Variants in BNC2 observed in about 807,000 individuals in gnomAD.
BNC2 encodes the protein basonuclin zinc finger protein 2.
BNC2 carries 20 observed loss-of-function variants against 76.3 expected under a neutral mutation model. That is an observed-to-expected ratio of 0.26 (90% confidence interval 0.18 to 0.38). The LOEUF is 0.38. Among genes scored for constraint, BNC2 ranks in the 10% least tolerant of loss-of-function variants. The pLI is 1.00. For synonymous variants in BNC2, 582 were observed against 514.8 expected (o/e 1.13, Z -1.77); for missense variants, 1,382 against 1,399.8 (o/e 0.99, Z 0.20).
Position 16,435,557 on chromosome 9 carries a change from G to A in BNC2, c.2637C>T (p.Asp879=), listed in dbSNP as rs760110831. 5 of 1,613,710 alleles carry A rather than the reference G, an allele frequency of 3.1e-6. No homozygotes were observed. The highest frequency in any genetic ancestry group is 3.3e-5 in the Admixed American group (2 of 59,992). ...GCAGCCAATGGAGATTTACTGACCT[G>A]TCTCGGCTTCGGCGAGAGGGGAATG... ...NAAFPSRRSR[D]RHSANINLHR... Residue 879 remains aspartate, a splice_region_variant and synonymous_variant, in exon 6 of 7, where the codon GAC becomes GAT. Transcript: ENST00000380672.
intron 3 of BNC2, among the ~76,000 whole-genome samples, chr9:16,682,591 G>C (rs1308075552): frequency 6.6e-6 from 1 of 152,046 alleles, no homozygotes. Flanking sequence ...TAACTTTTAT[G>C]GAAATTTACA....
chr9:16,495,550 A>G (rs1294010560), intron 5 of BNC2, among the ~76,000 whole-genome samples: 1 of 152,244 alleles, frequency 6.6e-6, no homozygotes, highest in East Asian at 1.9e-4. Flanking sequence ...GGTGCTCAAC[A>G]TATGCACTGC....
chr9:16,434,864 T>C, intron 6 of BNC2: 13 of 459,014 alleles, frequency 2.8e-5, no homozygotes, highest in Non-Finnish European at 4.0e-5. Context: ...AGTTTAGAGA[T>C]GTGCTCAAAG....
chr9:16,446,726 T>C (rs572304455), intron 5 of BNC2, among the ~76,000 whole-genome samples: 49 of 152,270 alleles, frequency 3.2e-4, no homozygotes, highest in Admixed American at 2.9e-3. Flanking sequence ...CATAGAGTAC[T>C]ATGCCTTTTT....
intron 5 of BNC2, among the ~76,000 whole-genome samples, chr9:16,459,636 G>T (rs1182095058): frequency 6.6e-6 from 1 of 152,110 alleles, no homozygotes; most frequent in Non-Finnish European, 1.5e-5. Flanking sequence ...CACACACATA[G>T]CAACAAAGAA....
At chr9:16,639,629 A>T (rs1821429774) in intron 3 of BNC2, among the ~76,000 whole-genome samples, 1 of 152,114 alleles carries the variant, frequency 6.6e-6, no homozygotes. Flanking sequence ...AAAAAAAAAA[A>T]TCTCAAGTCA....
intron 3 of BNC2, among the ~76,000 whole-genome samples, chr9:16,616,462 C>G (rs1201971866): frequency 6.6e-6 from 1 of 151,596 alleles, no homozygotes; most frequent in Non-Finnish European, 1.5e-5. Flanking sequence ...TTTGGGAAGC[C>G]CAGGCAGGTG....
At chr9:16,431,340 A>G in intron 6 of BNC2, 1 of 355,584 alleles carries the variant, frequency 2.8e-6, no homozygotes, top group South Asian at 2.2e-5. Context: ...TATGCCACTC[A>G]GCTCCTGGGG....
rs750347146 is a variant in BNC2 at position 16,552,587 on chromosome 9, G to A, written c.612C>T (p.His204=). 6.8e-6 allele frequency: 11 copies of A among 1,614,106 alleles called. No homozygotes were observed. The Admixed American group carries it at 1.7e-4, about 24-fold the overall frequency. The change falls in exon 5 of 7, where the codon CAC becomes CAT. Residue 204 remains histidine (H), a synonymous_variant. Transcript: ENST00000380672. The part of the protein sequence containing the change: ...FSVLKQEEVL[H]ILHGLGWTLR... ...GAGTCCAGCCAAGGCCGTGCAGTAT[G>A]TGCAGTACCTCCTCTTGCTTCAGGA...
At chr9:16,504,873 C>A (rs968896499) in intron 5 of BNC2, among the ~76,000 whole-genome samples, 39 of 152,136 alleles carry the variant, frequency 2.6e-4, no homozygotes, top group Non-Finnish European at 1.2e-4. Context: ...AAACAAAAAA[C>A]CCCACAAAAC....
In BNC2 at chr9:16,436,489, C is replaced by G; in HGVS notation, c.1705G>C (p.Val569Leu). 1 of 1,614,114 alleles carries G rather than the reference C, an allele frequency of 6.2e-7. No homozygotes were observed. Among genetic ancestry groups the G allele is most frequent in the Non-Finnish European group, 8.5e-7 (1 of 1,180,040 alleles). The change falls in exon 6 of 7, where the codon GTT (valine) becomes CTT (leucine). Residue 569 changes from valine to leucine, a missense_variant. Val to Leu is a conservative substitution (Grantham distance 32). Transcript: ENST00000380672. The part of the protein sequence containing the change: ...VFSGLKTVQP[V>L]PPFYRSLLTP... ...AGTAAACTTCTATAAAATGGAGGAACTGGTTGTACAGTCTTTAGCCCAGAA... is the reference window on the plus strand; with the variant it reads ...AGTAAACTTCTATAAAATGGAGGAAGTGGTTGTACAGTCTTTAGCCCAGAA...
At chr9:16,736,456 A>G (rs948247419) in intron 2 of BNC2, among the ~76,000 whole-genome samples, 6 of 150,150 alleles carry the variant, frequency 4.0e-5, no homozygotes, top group South Asian at 2.1e-4. Flanking sequence ...TATTATTATT[A>G]TTGTTTATTA....
intron 3 of BNC2, among the ~76,000 whole-genome samples, chr9:16,635,974 G>T (rs2133797386): frequency 6.6e-6 from 1 of 152,162 alleles, no homozygotes; most frequent in South Asian, 2.1e-4. Flanking sequence ...TACATTAAGA[G>T]GGTTGGTTTG....
intron 3 of BNC2, among the ~76,000 whole-genome samples, chr9:16,725,720 ACAGT>A (rs3083818): frequency 0.27 from 40,709 of 151,792 alleles, 8,012 homozygotes; most frequent in East Asian, 0.61. Context: ...AAATATCCAC[ACAGT>A]CAGACAGCTG....
chr9:16,449,800 T>G (rs1821301609), intron 5 of BNC2, among the ~76,000 whole-genome samples: 1 of 99,056 alleles, frequency 1.0e-5, no homozygotes, highest in Non-Finnish European at 2.0e-5. Flanking sequence ...TGGGGGTGAA[T>G]GGGAGGTGAA....
Position 16,418,902 on chromosome 9 carries a change from C to CA in BNC2, c.*86_*87insT. 2.8e-6 allele frequency: 4 copies of CA among 1,452,314 alleles called. No homozygotes were observed. Among genetic ancestry groups the CA allele is most frequent in the Admixed American group, 3.3e-5 (2 of 59,704 alleles). 90.0% of individuals were successfully genotyped at this position (1,452,314 alleles called of 1,614,324 possible). On this transcript the variant is annotated 3_prime_UTR_variant, in exon 7 of 7. Transcript: ENST00000380672. Reference sequence around the variant, plus strand: ...ACACACACACACACACACACACACCCCAAGTACATAAGCGCACACTGACTA... The same window carrying CA: ...ACACACACACACACACACACACACCCACAAGTACATAAGCGCACACTGACTA...
chr9:16,522,126 A>G (rs964286591), intron 5 of BNC2, among the ~76,000 whole-genome samples: 5 of 151,634 alleles, frequency 3.3e-5, no homozygotes, highest in African/African-American at 1.2e-4. Context: ...AGGCCCCACT[A>G]CTCCTCCTTA....
chr9:16,726,323 G>A (rs968746036), intron 3 of BNC2, among the ~76,000 whole-genome samples: 19 of 152,174 alleles, frequency 1.2e-4, no homozygotes, highest in African/African-American at 4.6e-4. Flanking sequence ...CCCTCTACAG[G>A]ATATGTCAAA....
At chr9:16,836,208 A>C (rs1242082305) in intron 1 of BNC2, among the ~76,000 whole-genome samples, 1 of 152,050 alleles carries the variant, frequency 6.6e-6, no homozygotes, top group African/African-American at 2.4e-5. Context: ...CCTCTTCATA[A>C]TTTCCTTTCC....
Sources: allele counts gnomAD v4.1 joint callset (sites outside exome capture counted in the v4.1 genomes callset), GRCh38; gene constraint gnomAD v4.1.1; transcripts MANE v1.5; gene names NCBI Gene and HGNC (gene_info 2026-07-23, HGNC 2026-07-21).